BMAL2: variants seen among roughly 807,000 people sequenced by gnomAD.
The protein encoded by BMAL2 is basic helix-loop-helix ARNT-like protein 2.
the BMAL2 span, chr12:27,377,323 A>T: frequency 6.6e-6 from 1 of 152,228 alleles, no homozygotes; most frequent in East Asian, 1.9e-4. Context: ...TCTTTCAAGT[A>T]AAGTACTTTA....
chr12:27,353,835 A>G, the BMAL2 span, among the ~76,000 whole-genome samples: 1 of 152,228 alleles, frequency 6.6e-6, no homozygotes, highest in Non-Finnish European at 1.5e-5. Context: ...AGCAGTTATC[A>G]TTAGAGAAAT....
At chr12:27,383,590 G>A in the BMAL2 span, among the ~76,000 whole-genome samples, 1 of 152,084 alleles carries the variant, frequency 6.6e-6, no homozygotes, top group Non-Finnish European at 1.5e-5. Context: ...GTACACCGAC[G>A]GGGTTTCCCA....
At chr12:27,345,826 C>T in the BMAL2 span, among the ~76,000 whole-genome samples, 2 of 152,170 alleles carry the variant, frequency 1.3e-5, no homozygotes, top group East Asian at 1.9e-4. Context: ...TGTTCTTTTT[C>T]CCCTCTATTA....
At chr12:27,418,787 T>G in the BMAL2 span, among the ~76,000 whole-genome samples, 1 of 151,924 alleles carries the variant, frequency 6.6e-6, no homozygotes, top group South Asian at 2.1e-4. Flanking sequence ...AGACCAGCCT[T>G]GCCAACATGG....
chr12:27,385,221 C>T, the BMAL2 span, among the ~76,000 whole-genome samples: 4 of 151,904 alleles, frequency 2.6e-5, no homozygotes, highest in East Asian at 3.9e-4. Context: ...GGCTGAGGCA[C>T]GAGAATCACT....
chr12:27,406,688 C>T, the BMAL2 span, among the ~76,000 whole-genome samples: 258 of 152,220 alleles, frequency 1.7e-3, 1 homozygote, highest in Middle Eastern at 0.024. Flanking sequence ...CATCAGCTAA[C>T]GAGCAAAATA....
At chr12:27,350,835 A>G in the BMAL2 span, among the ~76,000 whole-genome samples, 1 of 151,620 alleles carries the variant, frequency 6.6e-6, no homozygotes, top group Admixed American at 6.6e-5. Flanking sequence ...GCCCACCACC[A>G]CGCCTGGCTA....
At chr12:27,372,629 A>G in the BMAL2 span, among the ~76,000 whole-genome samples, 3 of 152,176 alleles carry the variant, frequency 2.0e-5, no homozygotes, top group Non-Finnish European at 2.9e-5. Context: ...GTAGTGTACA[A>G]GAGTTCCATT....
chr12:27,387,178 A>G, the BMAL2 span: 2 of 1,260,856 alleles, frequency 1.6e-6, no homozygotes, highest in Non-Finnish European at 2.3e-6. Context: ...GTGCGTGTGT[A>G]TAAGAGACAG....
chr12:27,338,483 G>C, the BMAL2 span, among the ~76,000 whole-genome samples: 65,378 of 150,962 alleles, frequency 0.43, 14,451 homozygotes, highest in Admixed American at 0.51. Flanking sequence ...AAAAAAAAAA[G>C]GTTTGGGAGG....
At chr12:27,353,872 A>T in the BMAL2 span, among the ~76,000 whole-genome samples, 1 of 152,196 alleles carries the variant, frequency 6.6e-6, no homozygotes, top group Non-Finnish European at 1.5e-5. Flanking sequence ...ATGAAATCCC[A>T]TCTCAAGAAA....
the BMAL2 span, among the ~76,000 whole-genome samples, chr12:27,396,533 A>G: frequency 6.6e-6 from 1 of 152,160 alleles, no homozygotes; most frequent in Non-Finnish European, 1.5e-5. Flanking sequence ...TGCTTCCTAG[A>G]TGCCGGAAGG....
the BMAL2 span, among the ~76,000 whole-genome samples, chr12:27,381,451 G>A: frequency 6.6e-6 from 1 of 152,146 alleles, no homozygotes. Flanking sequence ...GGCAAAGTGG[G>A]AGCCGGCATC....
chr12:27,346,132 C>A, the BMAL2 span, among the ~76,000 whole-genome samples: 1 of 152,126 alleles, frequency 6.6e-6, no homozygotes, highest in Non-Finnish European at 1.5e-5. Context: ...ACTGCTTGTC[C>A]GAATCCAACT....
At chr12:27,384,182 G>A in the BMAL2 span, among the ~76,000 whole-genome samples, 1 of 152,100 alleles carries the variant, frequency 6.6e-6, no homozygotes, top group Non-Finnish European at 1.5e-5. Context: ...TGTGTCATAC[G>A]CCCCCTTGTG....
the BMAL2 span, among the ~76,000 whole-genome samples, chr12:27,364,263 A>G: frequency 6.6e-6 from 1 of 152,166 alleles, no homozygotes; most frequent in Non-Finnish European, 1.5e-5. Flanking sequence ...TTTCGGAGGA[A>G]CACAAACATT....
the BMAL2 span, among the ~76,000 whole-genome samples, chr12:27,394,227 T>C: frequency 6.6e-6 from 1 of 152,142 alleles, no homozygotes; most frequent in East Asian, 1.9e-4. Context: ...CCACCATGCC[T>C]GACTACAACA....
At chr12:27,384,339 G>T in the BMAL2 span, among the ~76,000 whole-genome samples, 1 of 152,030 alleles carries the variant, frequency 6.6e-6, no homozygotes, top group Non-Finnish European at 1.5e-5. Context: ...ATAACTCAGT[G>T]CTAAGGGCTG....
chr12:27,423,294 A>G, the BMAL2 span: 9 of 151,876 alleles, frequency 5.9e-5, no homozygotes, highest in Non-Finnish European at 1.2e-4. Context: ...AGTATCATAA[A>G]AACAGTACTC....
Sources: gnomAD v4.1 joint callset for allele counts (sites outside exome capture counted in the v4.1 genomes callset) on GRCh38, gnomAD v4.1.1 for gene constraint, MANE v1.5 for transcripts, NCBI Gene and HGNC (gene_info 2026-07-23, HGNC 2026-07-21) for gene names.